Variants in ZNF420 observed in about 807,000 individuals in gnomAD.
The protein encoded by ZNF420 is zinc finger protein 420.
In ZNF420, 31 loss-of-function variants were observed where a neutral mutation model predicts 44.7. The observed-to-expected ratio is 0.69, with a 90% CI of 0.52 to 0.94. ZNF420 has a LOEUF of 0.94. Ranked by LOEUF, ZNF420 falls within the 40% of genes least tolerant of loss-of-function variation. The pLI is 0.00. For missense variants in ZNF420, 681 were observed against 827.9 expected (o/e 0.82, Z 2.18); for synonymous variants, 245 against 267.4 (o/e 0.92, Z 0.82).
chr19:37,089,788 A>G (rs952359787), intron 3 of ZNF420, among the ~76,000 whole-genome samples: 3 of 152,248 alleles, frequency 2.0e-5, no homozygotes, highest in African/African-American at 7.2e-5. Flanking sequence ...TGAGAATTAT[A>G]AACTCTGAGA....
intron 4 of ZNF420, among the ~76,000 whole-genome samples, chr19:37,100,135 G>A (rs2146592667): frequency 6.6e-6 from 1 of 152,256 alleles, no homozygotes; most frequent in East Asian, 1.9e-4. Flanking sequence ...GAGTTGAGTG[G>A]TGAGACAGGG....
chr19:37,045,216 A>G (rs1037151448), intron 1 of ZNF420, among the ~76,000 whole-genome samples: 6 of 152,214 alleles, frequency 3.9e-5, no homozygotes, highest in Admixed American at 1.3e-4. Flanking sequence ...GTAGTTCCAA[A>G]GTTATATATT....
intron 4 of ZNF420, among the ~76,000 whole-genome samples, chr19:37,117,492 A>G (rs1442460583): frequency 1.3e-5 from 2 of 152,142 alleles, no homozygotes; most frequent in Non-Finnish European, 2.9e-5. Flanking sequence ...ATCAAAGACC[A>G]AAAGTAGATA....
intron 1 of ZNF420, among the ~76,000 whole-genome samples, chr19:37,026,647 G>T (rs1967165298): frequency 6.6e-6 from 1 of 151,526 alleles, no homozygotes; most frequent in African/African-American, 2.4e-5. Flanking sequence ...TGTTTAGTAG[G>T]TATGGGGTTT....
intron 4 of ZNF420, among the ~76,000 whole-genome samples, chr19:37,123,809 A>G (rs1246237144): frequency 1.3e-5 from 2 of 150,704 alleles, no homozygotes; most frequent in African/African-American, 2.5e-5. Flanking sequence ...GGGTTTCACG[A>G]GTGTTAGCCA....
At chr19:37,030,631 T>G (rs562905574) in intron 1 of ZNF420, among the ~76,000 whole-genome samples, 1 of 152,314 alleles carries the variant, frequency 6.6e-6, no homozygotes, top group African/African-American at 2.4e-5. Flanking sequence ...AACACAGAAG[T>G]TATTTTCATA....
upstream of ZNF420, among the ~76,000 whole-genome samples, chr19:37,075,696 C>A (rs574442786): frequency 6.6e-6 from 1 of 151,942 alleles, no homozygotes; most frequent in African/African-American, 2.4e-5. Context: ...GAGCTGAGAG[C>A]GCACCACTGC....
chr19:37,018,089 G>A (rs1265815497), intron 1 of ZNF420, among the ~76,000 whole-genome samples: 1 of 151,936 alleles, frequency 6.6e-6, no homozygotes, highest in Non-Finnish European at 1.5e-5. Context: ...CTTCTTCAAA[G>A]TTAACCAACA....
chr19:37,057,481 TCTG>T (rs1967780583), intron 1 of ZNF420, among the ~76,000 whole-genome samples: 1 of 106,886 alleles, frequency 9.4e-6, no homozygotes, highest in Non-Finnish European at 2.0e-5. Flanking sequence ...TCTCTCACTC[TCTG>T]TCTGTTTCTC....
intron 1 of ZNF420, among the ~76,000 whole-genome samples, chr19:37,021,152 C>A (rs902494227): frequency 6.6e-5 from 10 of 152,364 alleles, no homozygotes; most frequent in Non-Finnish European, 1.3e-4. Flanking sequence ...GTCAAGAGTG[C>A]TTTCCTGTTC....
intron 4 of ZNF420, among the ~76,000 whole-genome samples, chr19:37,103,968 T>TTC (rs2146616201): frequency 2.9e-5 from 1 of 34,438 alleles, no homozygotes; most frequent in Admixed American, 2.5e-4. Context: ...TCTTCTCTCA[T>TTC]TTTTTTTTTG....
At chr19:37,021,276 AT>A (rs914527885) in intron 1 of ZNF420, among the ~76,000 whole-genome samples, 1 of 151,880 alleles carries the variant, frequency 6.6e-6, no homozygotes, top group Non-Finnish European at 1.5e-5. Flanking sequence ...TTTATTTTTT[AT>A]TTTTTTTGAA....
At chr19:37,042,289 G>A (rs575708076) in intron 1 of ZNF420, among the ~76,000 whole-genome samples, 9 of 152,346 alleles carry the variant, frequency 5.9e-5, no homozygotes, top group Non-Finnish European at 1.0e-4. Context: ...GAGCCACTGC[G>A]CCTGGCCCTC....
At chr19:37,111,405 C>T (rs895825571) in intron 4 of ZNF420, 1 of 152,180 alleles carries the variant, frequency 6.6e-6, no homozygotes, top group Non-Finnish European at 1.5e-5. Flanking sequence ...TTTTGAAAAT[C>T]ATTTAATGTT....
chr19:37,055,938 G>A (rs531293546), intron 1 of ZNF420, among the ~76,000 whole-genome samples: 1 of 152,252 alleles, frequency 6.6e-6, no homozygotes, highest in South Asian at 2.1e-4. Context: ...CTGTGTGCCC[G>A]TGGACTACTC....
At position 37,129,004 on chromosome 19, in the gene ZNF420, T is replaced by A; in HGVS notation, c.2013T>A (p.Phe671Leu). 1.9e-6 allele frequency: 3 copies of A among 1,613,932 alleles called. No individual in the cohort carries two copies. ...GAATTCATATCAGTGAGAAATCTTT[T>A]GAATATAAGGAATGTGGGATTGACT... ...HQRIHISEKS[F>L]EYKECGIDFS... The change falls in exon 5 of 5, where the codon TTT (phenylalanine) becomes TTA (leucine). Residue 671 changes from phenylalanine to leucine, a missense_variant. This residue lies in a region of ZNF420 where 280 missense variants were observed against 338.6 expected (regional missense o/e 0.83). Transcript: ENST00000337995.
intron 4 of ZNF420, among the ~76,000 whole-genome samples, chr19:37,103,579 A>G (rs1315843808): frequency 6.6e-6 from 1 of 152,222 alleles, no homozygotes; most frequent in Non-Finnish European, 1.5e-5. Context: ...CTAGCAGAAG[A>G]GAAGAGAGAT....
chr19:37,015,645 C>T (rs2074604006), intron 1 of ZNF420, among the ~76,000 whole-genome samples: 1 of 152,144 alleles, frequency 6.6e-6, no homozygotes, highest in Non-Finnish European at 1.5e-5. Flanking sequence ...GGGAGGAGGT[C>T]CCACAACTAC....
chr19:37,012,760 ATGTCTCTGTG>A lies in ZNF420; in HGVS notation c.-125+4682_-125+4691del, dbSNP rs1157743565. ...GGGTGTGCTTCTGTGCCACTGCTAT[ATGTCTCTGTG>A]TGTGTGTGTGTGTGTGTGTGTGTGT... is the stretch of plus-strand genomic sequence containing the variant. On this transcript the variant is annotated intron_variant, in intron 1 of 4. Coordinates refer to the ZNF420 transcript ENST00000587029. 6.1e-3 allele frequency among the ~76,000 whole-genome samples: 625 copies of A among 102,008 alleles called. 13 individuals carry two copies. The highest frequency in any genetic ancestry group is 0.015 in the South Asian group (41 of 2,696). 66.9% of individuals were successfully genotyped at this position (102,008 alleles called of 152,430 possible).
Sources: gnomAD v4.1 joint callset for allele counts (sites outside exome capture counted in the v4.1 genomes callset) on GRCh38, gnomAD v4.1.1 for gene constraint, gnomAD v4.1.1 regional missense constraint, MANE v1.5 for transcripts, NCBI Gene and HGNC (gene_info 2026-07-23, HGNC 2026-07-21) for gene names.